The following ABCG2 variants were observed in gnomAD, a reference collection of about 807,000 sequenced individuals.
ABCG2 encodes the protein broad substrate specificity ATP-binding cassette transporter ABCG2.
In ABCG2, 80 loss-of-function variants were observed where a neutral mutation model predicts 73.5. The observed-to-expected ratio is 1.09, with a 90% confidence interval of 0.91 to 1.31. The LOEUF is 1.31. ABCG2 is among the 50% of genes most tolerant of loss of function. The probability of loss-of-function intolerance (pLI) is 0.00; values close to 1 mark genes in which losing one functional copy is unlikely to be tolerated. For missense variants in ABCG2, 796 were observed against 786.2 expected, an observed-to-expected ratio of 1.01 and a Z score of -0.15; for synonymous variants, 269 against 282.4, an observed-to-expected ratio of 0.95 and a Z score of 0.48.
At chr4:88,141,446 T>G (rs1725636156) in intron 1 of ABCG2, among the ~76,000 whole-genome samples, 1 of 152,160 alleles carries the variant, frequency 6.6e-6, no homozygotes, top group Non-Finnish European at 1.5e-5. Context: ...TCTGAGCAGA[T>G]ATTTCAGCAG....
rs75889116 is a variant in ABCG2, at chr4:88,189,707, T to C, written c.-20+41287A>G. Among the ~76,000 whole-genome samples the C allele has an allele frequency of 8.4e-4, 128 of 152,318 alleles. 3 individuals carry two copies. In the East Asian group the frequency reaches 0.02, roughly 23 times the overall value. On this transcript the variant is annotated intron_variant, in intron 1 of 15. Coordinates refer to the ABCG2 transcript ENST00000515655. ...TGTGAACAGAAATAATTTTACTTTC[T>C]CCTTTCCAATTTAAATGCCTTTCTT...
intron 13 of ABCG2, among the ~76,000 whole-genome samples, chr4:88,097,044 T>A (rs1026915374): frequency 1.8e-4 from 28 of 151,712 alleles, no homozygotes; most frequent in African/African-American, 6.1e-4. Flanking sequence ...AAATTAAAAA[T>A]GTTAAAAAAA....
intron 2 of ABCG2, among the ~76,000 whole-genome samples, chr4:88,135,831 T>G (rs962211763): frequency 6.6e-6 from 1 of 152,140 alleles, no homozygotes; most frequent in Non-Finnish European, 1.5e-5. Context: ...TGAGAAGAGA[T>G]AGCTGGAGGG....
intron 9 of ABCG2, among the ~76,000 whole-genome samples, chr4:88,108,155 ATTT>A (rs1323609863): frequency 0.011 from 4 of 374 alleles, no homozygotes; most frequent in Non-Finnish European, 0.019. Flanking sequence ...CAAAGGGTTA[ATTT>A]AAGGGTTACG....
intron 10 of ABCG2, among the ~76,000 whole-genome samples, chr4:88,102,945 G>A (rs571169098): frequency 4.6e-5 from 7 of 152,108 alleles, no homozygotes; most frequent in South Asian, 2.1e-4. Context: ...AGCTGCCCTC[G>A]GTCACCCAGG....
chr4:88,166,194 G>T lies in ABCG2; in HGVS notation c.-19-26180C>A, dbSNP rs977101071. On this transcript the variant is annotated intron_variant, in intron 1 of 15. Transcript: ENST00000515655. ...GCCAGAGCTTTCAGAGAGTGAAGCTGCCATAAATTCCCTCTTGGGGAGCTT... is the reference window on the plus strand; with the variant it reads ...GCCAGAGCTTTCAGAGAGTGAAGCTTCCATAAATTCCCTCTTGGGGAGCTT... Among the ~76,000 whole-genome samples the T allele has an allele frequency of 7.9e-5, 12 of 152,186 alleles. 1 individual carries two copies. The South Asian group carries it at 2.5e-3, about 31-fold the overall frequency.
intron 1 of ABCG2, among the ~76,000 whole-genome samples, chr4:88,220,901 A>G (rs146749422): frequency 6.6e-6 from 1 of 152,148 alleles, no homozygotes; most frequent in Admixed American, 6.5e-5. Flanking sequence ...CCCTTCTGCC[A>G]TGATTGTAAG....
At chr4:88,191,759 T>C (rs954124588) in intron 1 of ABCG2, among the ~76,000 whole-genome samples, 3 of 152,116 alleles carry the variant, frequency 2.0e-5, no homozygotes, top group African/African-American at 7.2e-5. Context: ...ACTTATACAA[T>C]AAAAAATCGT....
intron 1 of ABCG2, among the ~76,000 whole-genome samples, chr4:88,173,242 A>C (rs1270576178): frequency 6.6e-6 from 1 of 152,272 alleles, no homozygotes; most frequent in South Asian, 2.1e-4. Flanking sequence ...ACTAGTGGCC[A>C]ATCTTTGTTT....
Position 88,118,122 on chromosome 4 carries a change from G to A in ABCG2, c.828C>T (p.Tyr276=). ...AGTCAACCATACCAGCTGATTCAAA[G>A]TATCCCAAGGCCTCCTGAGCAGGCC... ...FHGPAQEALG[Y]FESAGYHCEA... is the part of the protein sequence containing the mutation. Residue 276 remains tyrosine, a synonymous_variant, in exon 7 of 16, where the codon TAC becomes TAT. Coordinates refer to ENST00000237612, the MANE Select transcript of ABCG2 (RefSeq NM_004827.3). 6.2e-7 allele frequency: 1 copy of A among 1,612,506 alleles called. No homozygotes were observed. The highest frequency in any genetic ancestry group is 8.5e-7 in the Non-Finnish European group (1 of 1,179,536).
At chr4:88,219,913 C>A (rs1302332582) in intron 1 of ABCG2, among the ~76,000 whole-genome samples, 1 of 151,934 alleles carries the variant, frequency 6.6e-6, no homozygotes, top group African/African-American at 2.4e-5. Flanking sequence ...TAAGTATATT[C>A]ATTGCTGTGC....
Position 88,179,890 on chromosome 4 carries a change from C to T in ABCG2, c.-19-39876G>A, listed in dbSNP as rs558666556. Among the ~76,000 whole-genome samples, 5 of 152,224 alleles carry T rather than the reference C, an allele frequency of 3.3e-5. No homozygotes were observed. The South Asian group carries it at 1.0e-3, about 32-fold the overall frequency. Reference sequence around the variant, plus strand: ...TTTGAAAATACACAGGCAGAGAACACATGCACACATCAAGAATAAAAAAAG... The same window carrying T: ...TTTGAAAATACACAGGCAGAGAACATATGCACACATCAAGAATAAAAAAAG... On this transcript the variant is annotated intron_variant, in intron 1 of 15. Coordinates refer to the ABCG2 transcript ENST00000515655.
At chr4:88,194,419 A>G (rs1014138356) in intron 1 of ABCG2, among the ~76,000 whole-genome samples, 32 of 151,962 alleles carry the variant, frequency 2.1e-4, no homozygotes, top group South Asian at 4.2e-4. Context: ...GCATGGTGGC[A>G]GGCGCCTGTA....
At chr4:88,182,995 G>T (rs1351788670) in intron 1 of ABCG2, among the ~76,000 whole-genome samples, 1 of 145,834 alleles carries the variant, frequency 6.9e-6, no homozygotes, top group Non-Finnish European at 1.5e-5. Flanking sequence ...TGAGGTAGGA[G>T]AATCACTTGA....
At chr4:88,155,734 G>A (rs1047737216) in intron 1 of ABCG2, among the ~76,000 whole-genome samples, 26 of 151,840 alleles carry the variant, frequency 1.7e-4, no homozygotes, top group African/African-American at 6.3e-4. Context: ...GCAAAACCTC[G>A]TCTTTACTAA....
At chr4:88,189,613 A>T (rs1417562541) in intron 1 of ABCG2, among the ~76,000 whole-genome samples, 1 of 152,170 alleles carries the variant, frequency 6.6e-6, no homozygotes, top group Non-Finnish European at 1.5e-5. Context: ...ATTTTGCTGA[A>T]TTTATTTAGT....
rs545353400 is a variant in ABCG2 at position 88,209,658 on chromosome 4, C to CA, written c.-20+21335dup. On this transcript the variant is annotated intron_variant, in intron 1 of 15. Transcript: ENST00000515655. ...GCTGGGTGAGAGCAAGACTCTGTCTCAAAAAAAAACAAAAAACAAAACAAA... is the reference window on the plus strand; with the variant it reads ...GCTGGGTGAGAGCAAGACTCTGTCTCAAAAAAAAAACAAAAAACAAAACAAA... Among the ~76,000 whole-genome samples the CA allele has an allele frequency of 4.2e-3, 616 of 147,112 alleles. 3 individuals are homozygous for CA. Among genetic ancestry groups the CA allele is most frequent in the African/African-American group, 0.012 (499 of 40,026 alleles).
chr4:88,225,247 A>G (rs1364826089), intron 1 of ABCG2, among the ~76,000 whole-genome samples: 1 of 152,158 alleles, frequency 6.6e-6, no homozygotes, highest in East Asian at 1.9e-4. Flanking sequence ...CTCTGCCGTT[A>G]TAGCACTAAA....
chr4:88,188,279 A>G (rs190449807), intron 1 of ABCG2, among the ~76,000 whole-genome samples: 109 of 152,260 alleles, frequency 7.2e-4, no homozygotes, highest in African/African-American at 2.6e-3. Flanking sequence ...TTGAAAATCA[A>G]TTGCCCGCAT....
Sources: gnomAD v4.1 joint callset for allele counts (sites outside exome capture counted in the v4.1 genomes callset) on GRCh38, gnomAD v4.1.1 for gene constraint, MANE v1.5 for transcripts, NCBI Gene and HGNC (gene_info 2026-07-23, HGNC 2026-07-21) for gene names.